DGAT2: variants seen among roughly 807,000 people sequenced by gnomAD.
DGAT2 encodes acyl-CoA retinol O-fatty-acyltransferase.
Under a neutral mutation model 48.4 loss-of-function variants are expected in DGAT2, and 33 were observed. The ratio of observed to expected loss-of-function variants is 0.68; its 90% confidence interval spans 0.52 to 0.91. The LOEUF (loss-of-function observed/expected upper bound fraction) is 0.91, where lower values mean the gene tolerates loss of function less well. Ranked by LOEUF, DGAT2 falls within the 40% of genes least tolerant of loss-of-function variation. The pLI is 0.00. For missense variants in DGAT2, 446 were observed against 493.7 expected (o/e 0.90, Z 0.92); for synonymous variants, 191 against 194.1 (o/e 0.98, Z 0.13).
At chr11:75,797,078 GT>G in intron 5 of DGAT2, 79 bp from the exon 6 acceptor site, 1 of 1,387,272 alleles carries the variant, frequency 7.2e-7, no homozygotes, top group Non-Finnish European at 9.5e-7. Context: ...GGTTCTTTAT[GT>G]TTTATACCTG....
At position 75,797,294 on chromosome 11, in the gene DGAT2, G is replaced by T; in HGVS notation, c.771G>T (p.Arg257=). ...CTGGCAAGAATGCAGTCACCCTGCGGAACCGCAAGGGCTTTGTGAAACTGG... is the reference window on the plus strand; with the variant it reads ...CTGGCAAGAATGCAGTCACCCTGCGTAACCGCAAGGGCTTTGTGAAACTGG... ...SMPGKNAVTL[R]NRKGFVKLAL... The change falls in exon 6 of 8, where the codon CGG becomes CGT. Residue 257 remains arginine, a synonymous_variant. Coordinates refer to ENST00000228027, the MANE Select transcript of DGAT2 (RefSeq NM_032564.5). 1 of 1,557,094 alleles carries T rather than the reference G, an allele frequency of 6.4e-7. No homozygotes were observed. The highest frequency in any genetic ancestry group is 1.2e-5 in the South Asian group (1 of 82,236).
intron 1 of DGAT2, among the ~76,000 whole-genome samples, chr11:75,781,868 C>G (rs1229306925): frequency 2.6e-5 from 4 of 152,202 alleles, no homozygotes; most frequent in African/African-American, 9.7e-5. Flanking sequence ...TGCGCTATGA[C>G]TTTACCTAAT....
chr11:75,782,762 G>T (rs558837937), intron 1 of DGAT2, among the ~76,000 whole-genome samples: 1 of 152,240 alleles, frequency 6.6e-6, no homozygotes, highest in Admixed American at 6.5e-5. Context: ...ACTGTGTCCT[G>T]TGTACAGAGC....
Position 75,772,802 on chromosome 11 carries a change from A to G in DGAT2, c.121+3690A>G, listed in dbSNP as rs192984866. Reference sequence around the variant, plus strand: ...CAGGAGTTCGAGACCAGCCTGGCTGACATGGTAAAACCCCTGTCTCTACTA... The same window carrying G: ...CAGGAGTTCGAGACCAGCCTGGCTGGCATGGTAAAACCCCTGTCTCTACTA... On this transcript the variant is annotated intron_variant, in intron 1 of 7. Transcript: ENST00000228027. 1.4e-3 allele frequency among the ~76,000 whole-genome samples: 206 copies of G among 152,274 alleles called. 1 individual carries two copies. The highest frequency in any genetic ancestry group is 4.7e-3 in the African/African-American group (194 of 41,542).
intron 4 of DGAT2, chr11:75,793,953 G>T (rs972944854): frequency 2.6e-5 from 4 of 152,244 alleles, no homozygotes; most frequent in African/African-American, 7.2e-5. Context: ...TTTGAGATCT[G>T]CTCGCTGCCC....
Position 75,798,246 on chromosome 11 carries a change from T to C in DGAT2, c.829T>C (p.Tyr277His), listed in dbSNP as rs751563514. The C allele has an allele frequency of 6.8e-6, 11 of 1,614,100 alleles. No individual in the cohort carries two copies. The African/African-American group carries it at 1.2e-4, about 18-fold the overall frequency. The change falls in exon 7 of 8, where the codon TAC becomes CAC. Residue 277 changes from tyrosine (Y) to histidine (H), a missense_variant. Coordinates refer to ENST00000228027, the MANE Select transcript of DGAT2 (RefSeq NM_032564.5). Reference sequence around the variant, plus strand: ...TTCCAGAGCTGACCTGGTTCCCATCTACTCCTTTGGAGAGAATGAAGTGTA... The same window carrying C: ...TTCCAGAGCTGACCTGGTTCCCATCCACTCCTTTGGAGAGAATGAAGTGTA... ...LRHGADLVPI[Y>H]SFGENEVYKQ...
At chr11:75,799,902 G>A (rs1326220272) in intron 7 of DGAT2, among the ~76,000 whole-genome samples, 2 of 152,136 alleles carry the variant, frequency 1.3e-5, no homozygotes, top group East Asian at 3.9e-4. Flanking sequence ...ACAGGCGTGA[G>A]CCACCACTCC....
intron 1 of DGAT2, among the ~76,000 whole-genome samples, chr11:75,771,350 T>A (rs1382835130): frequency 6.6e-6 from 1 of 152,094 alleles, no homozygotes; most frequent in Admixed American, 6.5e-5. Flanking sequence ...TGGGGGCTCT[T>A]CGTTCAGAAG....
At chr11:75,796,271 T>A in intron 4 of DGAT2, 57 bp from the exon 5 acceptor site, 1 of 1,489,170 alleles carries the variant, frequency 6.7e-7, no homozygotes, top group Non-Finnish European at 9.3e-7. Context: ...ACCCTCCGGG[T>A]ATGCCCCGGT....
intron 1 of DGAT2, 37 bp from the exon 2 acceptor site, chr11:75,784,581 A>G: frequency 6.2e-7 from 1 of 1,611,202 alleles, no homozygotes; most frequent in Non-Finnish European, 8.5e-7. Flanking sequence ...ACTGGAGAGA[A>G]GGGTGACAGT....
At position 75,768,894 on chromosome 11, in the gene DGAT2, T is replaced by A. The variant is rs1240608282; in HGVS notation, c.-98T>A. On this transcript the variant is annotated 5_prime_UTR_variant, in exon 1 of 8. Coordinates refer to ENST00000228027, the MANE Select transcript of DGAT2 (RefSeq NM_032564.5). ...CCTCGACGCCGTCCCGGGACCCCTG[T>A]GCTCTGCGCGAAGCCCTGGCCCCGG... 2.4e-5 allele frequency: 32 copies of A among 1,332,806 alleles called. No individual in the cohort carries two copies. The highest frequency in any genetic ancestry group is 3.1e-5 in the Non-Finnish European group (32 of 1,041,920). 82.6% of individuals were successfully genotyped at this position (1,332,806 alleles called of 1,614,324 possible).
At chr11:75,790,536 G>A in intron 3 of DGAT2, 125 bp from the exon 4 acceptor site, 1 of 938,070 alleles carries the variant, frequency 1.1e-6, no homozygotes, top group Non-Finnish European at 1.8e-6. Flanking sequence ...AAAGGGGCCT[G>A]ATGGGAAGGG....
intron 1 of DGAT2, among the ~76,000 whole-genome samples, chr11:75,775,558 T>A (rs1244911976): frequency 6.6e-6 from 1 of 152,174 alleles, no homozygotes; most frequent in Non-Finnish European, 1.5e-5. Context: ...TAGGCACCAG[T>A]GGAGGGAGTG....
In DGAT2 at chr11:75,796,488, G is replaced by A. The variant is rs369680804; in HGVS notation, c.590G>A (p.Gly197Asp). Residue 197 changes from glycine (G) to aspartate (D), a missense_variant, in exon 5 of 8, where the codon GGC becomes GAC. By Grantham distance (94) the Gly-to-Asp change is moderately conservative. Coordinates refer to ENST00000228027, the MANE Select transcript of DGAT2 (RefSeq NM_032564.5). ...GIRPYLATLA[G>D]NFRMPVLREY... Reference sequence around the variant, plus strand: ...CGGCCTTACCTGGCTACACTGGCAGGCAACTTCCGAATGCCTGTGTTGAGG... The same window carrying A: ...CGGCCTTACCTGGCTACACTGGCAGACAACTTCCGAATGCCTGTGTTGAGG... 4.3e-6 allele frequency: 7 copies of A among 1,613,506 alleles called. No homozygotes were observed. The highest frequency in any genetic ancestry group is 5.9e-6 in the Non-Finnish European group (7 of 1,180,020).
chr11:75,768,925 G>A lies in DGAT2; in HGVS notation c.-67G>A. ...GCGCGAAGCCCTGGCCCCGGGGGCC[G>A]GGGCATGGGCCAGGGGCGCGGGGTG... On this transcript the variant is annotated 5_prime_UTR_variant, in exon 1 of 8. Coordinates refer to ENST00000228027, the MANE Select transcript of DGAT2 (RefSeq NM_032564.5). 7.3e-7 allele frequency: 1 copy of A among 1,369,328 alleles called. No homozygotes were observed. Among genetic ancestry groups the A allele is most frequent in the Non-Finnish European group, 9.4e-7 (1 of 1,065,378 alleles). 84.8% of individuals were successfully genotyped at this position (1,369,328 alleles called of 1,614,324 possible). A position where few individuals can be genotyped will look rare whatever the true frequency, so the allele number is the denominator to read the frequency against.
chr11:75,799,710 C>G (rs996757848), intron 7 of DGAT2, among the ~76,000 whole-genome samples: 3 of 151,774 alleles, frequency 2.0e-5, no homozygotes, highest in African/African-American at 7.3e-5. Flanking sequence ...GCCTCCTAGT[C>G]TCAAGCGATC....
At chr11:75,782,264 T>C (rs1466003967) in intron 1 of DGAT2, among the ~76,000 whole-genome samples, 1 of 152,220 alleles carries the variant, frequency 6.6e-6, no homozygotes. Context: ...CTTAATCACC[T>C]GGGGATCTTG....
chr11:75,796,153 A>C (rs1945049271), intron 4 of DGAT2, 175 bp from the exon 5 acceptor site: 1 of 655,716 alleles, frequency 1.5e-6, no homozygotes, highest in African/African-American at 1.8e-5. Context: ...ACTGCCCAAC[A>C]CCAGCACTGT....
chr11:75,774,648 C>G (rs1944788090), intron 1 of DGAT2, among the ~76,000 whole-genome samples: 1 of 152,164 alleles, frequency 6.6e-6, no homozygotes, highest in African/African-American at 2.4e-5. Flanking sequence ...CTGTGGGACT[C>G]TTGAGGTCAG....
Sources: allele counts gnomAD v4.1 joint callset (sites outside exome capture counted in the v4.1 genomes callset), GRCh38; gene constraint gnomAD v4.1.1; transcripts MANE v1.5; gene names NCBI Gene and HGNC (gene_info 2026-07-23, HGNC 2026-07-21).